The following DRD2 variants were observed in gnomAD, a reference collection of about 807,000 sequenced individuals.
DRD2 encodes the protein D(2) dopamine receptor.
A neutral mutation model predicts 38.0 loss-of-function variants in DRD2; 8 were observed. That is an observed-to-expected ratio of 0.21 (90% CI 0.12 to 0.38). The LOEUF is 0.38. DRD2 is among the 10% of genes least tolerant of loss of function. The probability of loss-of-function intolerance (pLI) is 1.00; values close to 1 mark genes in which losing one functional copy is unlikely to be tolerated. For missense variants in DRD2, 403 were observed against 607.7 expected (o/e 0.66, Z 3.54); for synonymous variants, 230 against 238.6 (o/e 0.96, Z 0.33).
intron 1 of DRD2, among the ~76,000 whole-genome samples, chr11:113,435,597 G>T (rs1951027832): frequency 6.6e-6 from 1 of 152,034 alleles, no homozygotes; most frequent in Non-Finnish European, 1.5e-5. Context: ...TCTAAATTCA[G>T]AATGGAGCCC....
intron 1 of DRD2, among the ~76,000 whole-genome samples, chr11:113,432,787 G>A (rs1951000507): frequency 6.6e-6 from 1 of 152,204 alleles, no homozygotes; most frequent in Non-Finnish European, 1.5e-5. Flanking sequence ...CTCTCACTTG[G>A]GGTTGGACCT....
At chr11:113,440,929 T>C (rs975909770) in intron 1 of DRD2, among the ~76,000 whole-genome samples, 1 of 152,358 alleles carries the variant, frequency 6.6e-6, no homozygotes, top group East Asian at 1.9e-4. Context: ...ATAATGTTGC[T>C]AATCAAACTT....
intron 1 of DRD2, among the ~76,000 whole-genome samples, chr11:113,461,373 A>G (rs572724437): frequency 2.6e-5 from 4 of 151,656 alleles, no homozygotes; most frequent in Non-Finnish European, 2.9e-5. Flanking sequence ...CCCATCCACC[A>G]CCCCCAGCAA....
At chr11:113,429,543 C>A (rs1461533360) in intron 1 of DRD2, among the ~76,000 whole-genome samples, 1 of 152,110 alleles carries the variant, frequency 6.6e-6, no homozygotes, top group Non-Finnish European at 1.5e-5. Flanking sequence ...CCGCACCCGG[C>A]CAGTACAGGG....
chr11:113,444,565 G>T (rs980152454), intron 1 of DRD2, among the ~76,000 whole-genome samples: 3 of 152,174 alleles, frequency 2.0e-5, no homozygotes, highest in African/African-American at 7.2e-5. Context: ...CTCTAACGGG[G>T]CTGTATGTTC....
At chr11:113,471,406 T>C (rs111888432) in intron 1 of DRD2, among the ~76,000 whole-genome samples, 28 of 152,316 alleles carry the variant, frequency 1.8e-4, no homozygotes, top group Non-Finnish European at 2.5e-4. Context: ...TGGTATATTC[T>C]GGAGAGCAGA....
At chr11:113,451,441 T>C (rs1951208607) in intron 1 of DRD2, among the ~76,000 whole-genome samples, 1 of 152,188 alleles carries the variant, frequency 6.6e-6, no homozygotes, top group Non-Finnish European at 1.5e-5. Flanking sequence ...CCAGATTTCT[T>C]CCACGTATAT....
chr11:113,430,890 T>A (rs1950979992), intron 1 of DRD2, among the ~76,000 whole-genome samples: 1 of 152,240 alleles, frequency 6.6e-6, no homozygotes, highest in Admixed American at 6.5e-5. Flanking sequence ...GTTCTTTTTT[T>A]AAAATGGAGA....
At chr11:113,439,569 G>T (rs776101879) in intron 1 of DRD2, among the ~76,000 whole-genome samples, 1 of 152,098 alleles carries the variant, frequency 6.6e-6, no homozygotes, top group Middle Eastern at 3.4e-3. Flanking sequence ...GCTGGGCATG[G>T]TAGCTCACAC....
chr11:113,446,370 C>A (rs148812465), intron 1 of DRD2, among the ~76,000 whole-genome samples: 1 of 152,200 alleles, frequency 6.6e-6, no homozygotes, highest in Non-Finnish European at 1.5e-5. Flanking sequence ...GTCATAGTAA[C>A]GGTAGCTCCT....
intron 1 of DRD2, among the ~76,000 whole-genome samples, chr11:113,452,496 G>A (rs1218397394): frequency 1.4e-5 from 2 of 144,458 alleles, no homozygotes; most frequent in East Asian, 2.1e-4. Flanking sequence ...GCACATTGGG[G>A]GACAGGAAAT....
intron 1 of DRD2, among the ~76,000 whole-genome samples, chr11:113,454,687 A>G (rs1425858895): frequency 6.6e-6 from 1 of 152,260 alleles, no homozygotes; most frequent in Non-Finnish European, 1.5e-5. Context: ...TATTCATAAT[A>G]GCAGAAGTGG....
At position 113,462,387 on chromosome 11, in the gene DRD2, T is replaced by C. The variant is rs138018740; in HGVS notation, c.-32+12689A>G. Among the ~76,000 whole-genome samples, 26 of 152,310 alleles carry C rather than the reference T, an allele frequency of 1.7e-4. No individual in the cohort carries two copies. In the East Asian group the frequency reaches 2.9e-3, roughly 17 times the overall value. On this transcript the variant is annotated intron_variant, in intron 1 of 7. Transcript: ENST00000362072. Reference sequence around the variant, plus strand: ...CAGACATTATTAGTTAAGGATAAGATAGGTTCATTCTGGATTACAGTGGAC... The same window carrying C: ...CAGACATTATTAGTTAAGGATAAGACAGGTTCATTCTGGATTACAGTGGAC...
chr11:113,449,431 G>A (rs1195481021), intron 1 of DRD2, among the ~76,000 whole-genome samples: 2 of 152,156 alleles, frequency 1.3e-5, no homozygotes, highest in Non-Finnish European at 2.9e-5. Context: ...GAAGGCCTTG[G>A]CATTCATGAC....
At chr11:113,421,755 C>T (rs912994833) in intron 2 of DRD2, among the ~76,000 whole-genome samples, 3 of 152,094 alleles carry the variant, frequency 2.0e-5, no homozygotes, top group Admixed American at 2.0e-4. Context: ...TGTGAGGGTG[C>T]GCTGATAGGA....
intron 1 of DRD2, among the ~76,000 whole-genome samples, chr11:113,432,788 G>A (rs1951000535): frequency 6.6e-6 from 1 of 152,198 alleles, no homozygotes; most frequent in African/African-American, 2.4e-5. Flanking sequence ...TCTCACTTGG[G>A]GTTGGACCTT....
intron 6 of DRD2, chr11:113,413,221 G>C: frequency 1.6e-6 from 1 of 628,618 alleles, no homozygotes; most frequent in Non-Finnish European, 3.0e-6. Flanking sequence ...CTGGGGTCAA[G>C]AGCTGATGAT....
chr11:113,432,010 G>A (rs1950991766), intron 1 of DRD2, among the ~76,000 whole-genome samples: 1 of 152,218 alleles, frequency 6.6e-6, no homozygotes. Flanking sequence ...GATGAGGTAT[G>A]GAAGGGGCTG....
chr11:113,471,064 T>A (rs1481846531), intron 1 of DRD2, among the ~76,000 whole-genome samples: 1 of 152,192 alleles, frequency 6.6e-6, no homozygotes, highest in Non-Finnish European at 1.5e-5. Flanking sequence ...TTTCTCTCCT[T>A]TCTCTGGACC....
Sources: allele counts gnomAD v4.1 joint callset (sites outside exome capture counted in the v4.1 genomes callset), GRCh38; gene constraint gnomAD v4.1.1; transcripts MANE v1.5; gene names NCBI Gene and HGNC (gene_info 2026-07-23, HGNC 2026-07-21).